Variants in TENM3 observed in about 807,000 individuals in gnomAD.
TENM3 encodes teneurin transmembrane protein 3, also known as teneurin-3.
In TENM3, 63 loss-of-function variants were observed where a neutral mutation model predicts 255.1. That is an observed-to-expected ratio of 0.25 (90% CI 0.20 to 0.30). TENM3 has a LOEUF of 0.30. Among genes scored for constraint, TENM3 ranks in the 10% least tolerant of loss-of-function variants. The pLI is 1.00. For missense variants in TENM3, 2,929 were observed against 3,461.1 expected (o/e 0.85, Z 3.86); for synonymous variants, 1,306 against 1,322.3 (o/e 0.99, Z 0.27).
chr4:182,636,601 C>T (rs1751860910), intron 5 of TENM3, among the ~76,000 whole-genome samples: 1 of 151,870 alleles, frequency 6.6e-6, no homozygotes, highest in South Asian at 2.1e-4. Flanking sequence ...CCTGTAGTCC[C>T]AGCTACTCGG....
At chr4:182,260,900 G>C (rs1758738264) in intron 1 of TENM3, among the ~76,000 whole-genome samples, 2 of 151,900 alleles carry the variant, frequency 1.3e-5, no homozygotes, top group African/African-American at 4.8e-5. Flanking sequence ...TTCTGAGTCG[G>C]AGACTTGCCC....
the TENM3 span, among the ~76,000 whole-genome samples, chr4:181,850,233 C>A: frequency 6.6e-6 from 1 of 151,904 alleles, no homozygotes; most frequent in African/African-American, 2.4e-5. Context: ...TTCTCAGTAA[C>A]CCTTTCTTTA....
At chr4:182,369,199 A>G (rs1419163766) in intron 3 of TENM3, among the ~76,000 whole-genome samples, 1 of 152,220 alleles carries the variant, frequency 6.6e-6, no homozygotes. Context: ...ATGGAGGCAG[A>G]GATAGATATT....
intron 3 of TENM3, among the ~76,000 whole-genome samples, chr4:182,593,774 C>G (rs1374330910): frequency 6.6e-6 from 1 of 152,196 alleles, no homozygotes; most frequent in South Asian, 2.1e-4. Flanking sequence ...CGAGCACACA[C>G]ATACAAATGC....
chr4:181,470,496 T>C, the TENM3 span, among the ~76,000 whole-genome samples: 1 of 152,318 alleles, frequency 6.6e-6, no homozygotes, highest in South Asian at 2.1e-4. Flanking sequence ...CTTAGTGATA[T>C]AGTAACAAAA....
At chr4:181,458,085 C>A in the TENM3 span, among the ~76,000 whole-genome samples, 1 of 151,810 alleles carries the variant, frequency 6.6e-6, no homozygotes, top group South Asian at 2.1e-4. Context: ...TCCTATTGTA[C>A]CGCAAACAAT....
At chr4:182,159,215 C>T (rs1487399309) in intron 1 of TENM3, among the ~76,000 whole-genome samples, 3 of 152,134 alleles carry the variant, frequency 2.0e-5, no homozygotes, top group Admixed American at 6.5e-5. Flanking sequence ...TCATTGTCAT[C>T]GGCACCTTAT....
the TENM3 span, among the ~76,000 whole-genome samples, chr4:181,726,822 G>A: frequency 9.2e-5 from 14 of 152,148 alleles, no homozygotes; most frequent in African/African-American, 3.1e-4. Context: ...GCAAGCCCCA[G>A]GTTGTTCTAC....
chr4:181,898,415 G>A, the TENM3 span, among the ~76,000 whole-genome samples: 4 of 152,040 alleles, frequency 2.6e-5, no homozygotes, highest in Admixed American at 6.5e-5. Context: ...GCCTGTTCCT[G>A]GTTTATATTT....
At chr4:181,475,096 C>G in the TENM3 span, among the ~76,000 whole-genome samples, 2 of 152,188 alleles carry the variant, frequency 1.3e-5, no homozygotes, top group Non-Finnish European at 2.9e-5. Flanking sequence ...TTTCTATGTA[C>G]CACAGCCTAA....
the TENM3 span, among the ~76,000 whole-genome samples, chr4:181,964,898 C>T: frequency 1.9e-4 from 29 of 152,086 alleles, no homozygotes; most frequent in African/African-American, 6.5e-4. Flanking sequence ...AAAGCAAAAC[C>T]CCTTTGACGA....
chr4:182,731,842 C>T (rs1483166909), intron 16 of TENM3, among the ~76,000 whole-genome samples: 4 of 150,106 alleles, frequency 2.7e-5, no homozygotes, highest in South Asian at 4.2e-4. Flanking sequence ...AGTGCAGTGG[C>T]ACGATCTCGG....
the TENM3 span, among the ~76,000 whole-genome samples, chr4:181,602,557 T>C: frequency 6.6e-6 from 1 of 152,222 alleles, no homozygotes; most frequent in Non-Finnish European, 1.5e-5. Context: ...ATATTCTTAA[T>C]ATCTGTCAAA....
At chr4:182,526,486 T>C (rs1249176420) in intron 3 of TENM3, among the ~76,000 whole-genome samples, 5 of 152,188 alleles carry the variant, frequency 3.3e-5, no homozygotes, top group Admixed American at 6.5e-5. Flanking sequence ...AGTGGGACTC[T>C]ATACCTGACA....
chr4:181,819,499 G>A, the TENM3 span, among the ~76,000 whole-genome samples: 192 of 152,162 alleles, frequency 1.3e-3, 2 homozygotes, highest in African/African-American at 4.3e-3. Context: ...ACATGCCATC[G>A]GGATTGTTCG....
chr4:181,614,294 G>A, the TENM3 span, among the ~76,000 whole-genome samples: 4 of 151,982 alleles, frequency 2.6e-5, no homozygotes. Context: ...CCTGCAAACT[G>A]CCTGCCTAGT....
chr4:182,402,539 A>G (rs573428916), intron 3 of TENM3, among the ~76,000 whole-genome samples: 24 of 152,358 alleles, frequency 1.6e-4, no homozygotes, highest in African/African-American at 3.6e-4. Context: ...ATGGCCCAAA[A>G]TAAATCAAAG....
At chr4:182,221,077 A>G (rs1755828094) in intron 1 of TENM3, among the ~76,000 whole-genome samples, 1 of 152,230 alleles carries the variant, frequency 6.6e-6, no homozygotes, top group South Asian at 2.1e-4. Flanking sequence ...TGTGTGCTTA[A>G]GTACCTTAGC....
the TENM3 span, among the ~76,000 whole-genome samples, chr4:181,644,991 A>G: frequency 2.0e-5 from 3 of 152,204 alleles, no homozygotes; most frequent in South Asian, 6.2e-4. Flanking sequence ...CATGTACATG[A>G]TGAAATAAAC....
Sources: allele counts gnomAD v4.1 joint callset (sites outside exome capture counted in the v4.1 genomes callset), GRCh38; gene constraint gnomAD v4.1.1; transcripts MANE v1.5; gene names NCBI Gene and HGNC (gene_info 2026-07-23, HGNC 2026-07-21).